TTC28: variants seen among roughly 807,000 people sequenced by gnomAD.
TTC28 encodes the protein tetratricopeptide repeat domain 28, also known as tetratricopeptide repeat protein 28.
TTC28 carries 61 observed loss-of-function variants against 198.0 expected under a neutral mutation model. The ratio of observed to expected loss-of-function variants is 0.31; its 90% CI spans 0.25 to 0.38. The LOEUF (loss-of-function observed/expected upper bound fraction) is 0.38, where lower values mean the gene tolerates loss of function less well. Among genes scored for constraint, TTC28 ranks in the 10% least tolerant of loss-of-function variants. The pLI is 1.00. For synonymous variants in TTC28, 1,171 were observed against 1,297.8 expected (o/e 0.90, Z 2.10); for missense variants, 2,678 against 3,164.0 (o/e 0.85, Z 3.69).
intron 2 of TTC28, among the ~76,000 whole-genome samples, chr22:28,593,214 C>T (rs77208114): frequency 3.2e-4 from 49 of 152,140 alleles, no homozygotes; most frequent in African/African-American, 1.1e-3. Context: ...CTTCAGTGTT[C>T]GTGTTCGGTG....
chr22:28,670,174 T>C (rs2051856801), intron 1 of TTC28, among the ~76,000 whole-genome samples: 1 of 151,742 alleles, frequency 6.6e-6, no homozygotes, highest in Non-Finnish European at 1.5e-5. Context: ...TCTGACATTT[T>C]TCTACACCTC....
chr22:28,049,607 C>T (rs1940003333), intron 12 of TTC28, among the ~76,000 whole-genome samples: 1 of 152,118 alleles, frequency 6.6e-6, no homozygotes, highest in African/African-American at 2.4e-5. Flanking sequence ...TGGTTGGGGA[C>T]TGTATAAGGG....
intron 5 of TTC28, among the ~76,000 whole-genome samples, chr22:28,209,357 C>T (rs983952901): frequency 7.2e-5 from 11 of 152,184 alleles, no homozygotes; most frequent in African/African-American, 7.2e-5. Context: ...ACCCAGGAAG[C>T]GCAAGGGGTC....
At chr22:28,646,991 G>A (rs1322857668) in intron 1 of TTC28, among the ~76,000 whole-genome samples, 2 of 152,180 alleles carry the variant, frequency 1.3e-5, no homozygotes, top group African/African-American at 4.8e-5. Flanking sequence ...TGTACTATAA[G>A]ACTGTACTAA....
At chr22:28,020,935 G>A (rs1435902687) in intron 13 of TTC28, among the ~76,000 whole-genome samples, 2 of 152,150 alleles carry the variant, frequency 1.3e-5, no homozygotes, top group East Asian at 1.9e-4. Flanking sequence ...GAGTCTGCCC[G>A]CCCTGCCTTC....
At position 28,469,381 on chromosome 22, in the gene TTC28, A is replaced by C. The variant is rs533708555; in HGVS notation, c.381+160171T>G. On this transcript the variant is annotated intron_variant, in intron 2 of 22. Coordinates refer to ENST00000397906, the MANE Select transcript of TTC28 (RefSeq NM_001145418.2). ...AAGAGACTATGGTAAACTAAATAAC[A>C]GCCCCCGAAGATATCCAAGTCCTAA... Among the ~76,000 whole-genome samples, 3 of 152,318 alleles carry C rather than the reference A, an allele frequency of 2.0e-5. No individual in the cohort carries two copies. The South Asian group carries it at 6.2e-4, about 32-fold the overall frequency.
chr22:28,243,966 A>G (rs1260409918), intron 5 of TTC28, among the ~76,000 whole-genome samples: 1 of 152,198 alleles, frequency 6.6e-6, no homozygotes, highest in Non-Finnish European at 1.5e-5. Context: ...GTCCTTATGG[A>G]GCTTAGATTT....
intron 5 of TTC28, among the ~76,000 whole-genome samples, chr22:28,219,359 A>C (rs1317692127): frequency 2.0e-5 from 3 of 152,018 alleles, no homozygotes; most frequent in Admixed American, 1.3e-4. Context: ...AAATACAAAA[A>C]TTAGCCAGGC....
intron 2 of TTC28, among the ~76,000 whole-genome samples, chr22:28,350,736 AC>A (rs2045980840): frequency 6.6e-6 from 1 of 152,340 alleles, no homozygotes; most frequent in Non-Finnish European, 1.5e-5. Flanking sequence ...GAGTTAACAC[AC>A]AAAAGTAGAA....
In TTC28 at chr22:28,158,653, A is replaced by G. The variant is rs115016639; in HGVS notation, c.1441+4439T>C. 3.7e-3 allele frequency among the ~76,000 whole-genome samples: 559 copies of G among 152,296 alleles called. 2 individuals carry two copies. Among genetic ancestry groups the G allele is most frequent in the African/African-American group, 0.013 (545 of 41,562 alleles). ...TTTTTGACAAAGGTGCCAAGAACAT[A>G]CACTGAGAAAAGACAGTCTCTTCAA... On this transcript the variant is annotated intron_variant, in intron 6 of 22. Transcript: ENST00000397906.
chr22:28,573,408 C>T (rs551684902), intron 2 of TTC28, among the ~76,000 whole-genome samples: 24 of 150,086 alleles, frequency 1.6e-4, no homozygotes, highest in Middle Eastern at 3.5e-3. Flanking sequence ...GAGCCGTGAT[C>T]GCGCCACTGC....
intron 5 of TTC28, among the ~76,000 whole-genome samples, chr22:28,209,412 C>A (rs1428316574): frequency 6.6e-6 from 1 of 152,184 alleles, no homozygotes; most frequent in Non-Finnish European, 1.5e-5. Flanking sequence ...ACAGACCGTA[C>A]CTGGAAAATC....
chr22:28,551,077 C>T (rs748721394), intron 2 of TTC28, among the ~76,000 whole-genome samples: 1 of 151,936 alleles, frequency 6.6e-6, no homozygotes, highest in Non-Finnish European at 1.5e-5. Context: ...ACTACTAGAC[C>T]TAAGAAATGA....
At chr22:28,530,131 GA>G (rs2049100394) in intron 2 of TTC28, among the ~76,000 whole-genome samples, 1 of 152,146 alleles carries the variant, frequency 6.6e-6, no homozygotes, top group Non-Finnish European at 1.5e-5. Flanking sequence ...GAGGATGTTC[GA>G]AACCACTGCA....
intron 1 of TTC28, among the ~76,000 whole-genome samples, chr22:28,646,638 G>C (rs995648786): frequency 2.0e-5 from 3 of 152,180 alleles, no homozygotes; most frequent in Admixed American, 6.5e-5. Context: ...GCTGAGATGG[G>C]GGGATCACTT....
chr22:28,610,432 G>A lies in TTC28; in HGVS notation c.381+19120C>T, dbSNP rs1255294139. 2.0e-5 allele frequency among the ~76,000 whole-genome samples: 3 copies of A among 152,306 alleles called. No individual in the cohort carries two copies. The East Asian group carries it at 5.8e-4, about 29-fold the overall frequency. ...TTGCCGTTCTGCAGCTTCTGCTGGT[G>A]ATACTCAGGCAAACAGGGTCTAAAG... On this transcript the variant is annotated intron_variant, in intron 2 of 22. Transcript: ENST00000397906.
At chr22:28,629,122 CAG>C (rs752584169) in intron 2 of TTC28, among the ~76,000 whole-genome samples, 20 of 152,056 alleles carry the variant, frequency 1.3e-4, no homozygotes, top group Non-Finnish European at 2.1e-4. Context: ...TTAGAAAAAA[CAG>C]AAATTTCCCT....
intron 5 of TTC28, among the ~76,000 whole-genome samples, chr22:28,289,560 T>C (rs2044748873): frequency 6.6e-6 from 1 of 152,112 alleles, no homozygotes. Flanking sequence ...TATTAAGCTA[T>C]GCATTCGTGT....
intron 5 of TTC28, among the ~76,000 whole-genome samples, chr22:28,254,594 T>C (rs1601535712): frequency 6.6e-6 from 1 of 151,866 alleles, no homozygotes; most frequent in South Asian, 2.1e-4. Flanking sequence ...TGCTTCACTA[T>C]GGTAGGGGAA....
Sources: gnomAD v4.1 joint callset for allele counts (sites outside exome capture counted in the v4.1 genomes callset) on GRCh38, gnomAD v4.1.1 for gene constraint, MANE v1.5 for transcripts, NCBI Gene and HGNC (gene_info 2026-07-23, HGNC 2026-07-21) for gene names.